The following PTPRT variants were observed in gnomAD, a reference collection of about 807,000 sequenced individuals.
The protein encoded by PTPRT is protein tyrosine phosphatase receptor type T, also known as receptor-type tyrosine-protein phosphatase T.
PTPRT carries 56 observed loss-of-function variants against 176.8 expected under a neutral mutation model. That is an observed-to-expected ratio of 0.32 (90% CI 0.26 to 0.40). PTPRT has a LOEUF of 0.40. PTPRT is among the 10% of genes least tolerant of loss of function. PTPRT has a pLI of 1.00. For synonymous variants in PTPRT, 783 were observed against 739.0 expected (o/e 1.06, Z -0.96); for missense variants, 1,540 against 1,908.2 (o/e 0.81, Z 3.60).
At chr20:42,711,655 A>G (rs141817600) in intron 6 of PTPRT, among the ~76,000 whole-genome samples, 1 of 152,268 alleles carries the variant, frequency 6.6e-6, no homozygotes, top group Non-Finnish European at 1.5e-5. Context: ...ATTTCTTTAT[A>G]GTGATTCAAA....
chr20:42,687,008 T>A (rs2075708054), intron 6 of PTPRT, among the ~76,000 whole-genome samples: 1 of 152,190 alleles, frequency 6.6e-6, no homozygotes, highest in Non-Finnish European at 1.5e-5. Context: ...TATAGTAACA[T>A]CTTCCTCATG....
intron 10 of PTPRT, among the ~76,000 whole-genome samples, chr20:42,351,691 TTCATTC>T (rs1485128272): frequency 8.0e-5 from 2 of 25,004 alleles, no homozygotes; most frequent in African/African-American, 2.2e-4. Context: ...TAGTAATTCA[TTCATTC>T]ATTCATTCAT....
At chr20:43,151,844 C>T (rs551572389) in intron 1 of PTPRT, among the ~76,000 whole-genome samples, 2 of 149,730 alleles carry the variant, frequency 1.3e-5, no homozygotes, top group East Asian at 3.9e-4. Flanking sequence ...GCCCAGGCAA[C>T]AAGAGCGAAA....
In PTPRT at chr20:43,146,688, G is replaced by A. The variant is rs571799698; in HGVS notation, c.88+42958C>T. 7.9e-5 allele frequency among the ~76,000 whole-genome samples: 12 copies of A among 152,218 alleles called. 1 individual carries two copies. The East Asian group carries it at 1.5e-3, about 20-fold the overall frequency. On this transcript the variant is annotated intron_variant, in intron 1 of 30. Transcript: ENST00000373187. ...ATGCCACTAGGGAAGCTGACACCTCGGGTCCTCTCACTTGCATGGGCCCCT... is the reference window on the plus strand; with the variant it reads ...ATGCCACTAGGGAAGCTGACACCTCAGGTCCTCTCACTTGCATGGGCCCCT...
At chr20:42,294,731 TCAAA>T (rs2057364294) in intron 12 of PTPRT, among the ~76,000 whole-genome samples, 1 of 151,772 alleles carries the variant, frequency 6.6e-6, no homozygotes, top group African/African-American at 2.4e-5. Flanking sequence ...TTAAATATCC[TCAAA>T]CAACTTTGAC....
At chr20:42,727,208 C>A (rs192177751) in intron 6 of PTPRT, among the ~76,000 whole-genome samples, 2 of 152,146 alleles carry the variant, frequency 1.3e-5, no homozygotes, top group Admixed American at 6.5e-5. Context: ...CCATCCCCCC[C>A]GTTCCAATGC....
chr20:42,446,405 C>G (rs2070733107), intron 9 of PTPRT, among the ~76,000 whole-genome samples: 1 of 152,042 alleles, frequency 6.6e-6, no homozygotes. Flanking sequence ...CTAGGTTAGT[C>G]CCCCAAGCCT....
the PTPRT span, among the ~76,000 whole-genome samples, chr20:42,042,622 A>G: frequency 5.3e-5 from 8 of 152,168 alleles, no homozygotes; most frequent in Non-Finnish European, 1.2e-4. Flanking sequence ...TTTGGCACAC[A>G]TAGTACCTCC....
Position 43,092,823 on chromosome 20 carries a change from C to T in PTPRT, c.88+96823G>A, listed in dbSNP as rs545151242. Among the ~76,000 whole-genome samples, 10 of 152,226 alleles carry T rather than the reference C, an allele frequency of 6.6e-5. No individual in the cohort carries two copies. The South Asian group carries it at 1.7e-3, about 25-fold the overall frequency. On this transcript the variant is annotated intron_variant, in intron 1 of 30. Coordinates refer to ENST00000373187, the MANE Select transcript of PTPRT (RefSeq NM_007050.6). ...TTCACTGTAATAGACATGAGACTGACGAGAAATAAAACCTTCCTTGTGTAA... is the reference window on the plus strand; with the variant it reads ...TTCACTGTAATAGACATGAGACTGATGAGAAATAAAACCTTCCTTGTGTAA...
chr20:42,246,626 C>T (rs947409712), intron 14 of PTPRT, among the ~76,000 whole-genome samples: 1 of 152,200 alleles, frequency 6.6e-6, no homozygotes, highest in Non-Finnish European at 1.5e-5. Flanking sequence ...CACACTCACA[C>T]ATTTCAGAAA....
At chr20:42,614,876 AAG>A (rs1204205132) in intron 7 of PTPRT, among the ~76,000 whole-genome samples, 3 of 152,008 alleles carry the variant, frequency 2.0e-5, no homozygotes, top group Non-Finnish European at 4.4e-5. Context: ...GTCTCAGGCA[AAG>A]AGAGAGCTTG....
rs115360381 is a variant in PTPRT at position 42,833,667 on chromosome 20, G to T, written c.215-42201C>A. 4.8e-3 allele frequency among the ~76,000 whole-genome samples: 728 copies of T among 152,192 alleles called. 9 individuals carry two copies. Among genetic ancestry groups the T allele is most frequent in the African/African-American group, 0.016 (670 of 41,526 alleles). ...AAGATAAGGAATCAGAATGGCACTG[G>T]ACTTCTCAATATTGTGAAGGGAAAT... On this transcript the variant is annotated intron_variant, in intron 2 of 30. Transcript: ENST00000373187.
chr20:42,381,488 G>A (rs2058698061), intron 9 of PTPRT, among the ~76,000 whole-genome samples: 2 of 152,194 alleles, frequency 1.3e-5, no homozygotes, highest in Admixed American at 1.3e-4. Flanking sequence ...ATACAGGTGA[G>A]AAGTAAACAT....
chr20:42,067,782 G>A (rs1884038), downstream of PTPRT, among the ~76,000 whole-genome samples: 512 of 152,252 alleles, frequency 3.4e-3, 2 homozygotes, highest in African/African-American at 0.012. Flanking sequence ...GGCCCTCTAT[G>A]GGTGTTGGCA....
intron 2 of PTPRT, among the ~76,000 whole-genome samples, chr20:42,868,441 G>A (rs748502877): frequency 1.3e-5 from 2 of 152,190 alleles, no homozygotes; most frequent in South Asian, 2.1e-4. Context: ...GATAAACTAG[G>A]ATATCTGGTG....
intron 7 of PTPRT, among the ~76,000 whole-genome samples, chr20:42,516,569 C>T (rs1482307190): frequency 6.6e-6 from 1 of 152,126 alleles, no homozygotes; most frequent in East Asian, 1.9e-4. Context: ...AAACAGTTTA[C>T]ATTTGGGGGA....
intron 14 of PTPRT, among the ~76,000 whole-genome samples, chr20:42,245,247 G>C (rs1435931275): frequency 3.3e-5 from 5 of 152,212 alleles, no homozygotes; most frequent in Non-Finnish European, 1.5e-5. Context: ...CTCTGTCAGT[G>C]AGGGGCTCCA....
At position 43,127,194 on chromosome 20, in the gene PTPRT, C is replaced by T. The variant is rs192122599; in HGVS notation, c.88+62452G>A. 8.3e-3 allele frequency among the ~76,000 whole-genome samples: 1,267 copies of T among 152,068 alleles called. 23 individuals are homozygous for T. Among genetic ancestry groups the T allele is most frequent in the African/African-American group, 0.029 (1,209 of 41,470 alleles). On this transcript the variant is annotated intron_variant, in intron 1 of 30. Transcript: ENST00000373187. ...ATCCCAGCACTTTGGGAGGCAAAGGCGGGCGGATCACAAGGTCAGGAGATG... is the reference window on the plus strand; with the variant it reads ...ATCCCAGCACTTTGGGAGGCAAAGGTGGGCGGATCACAAGGTCAGGAGATG...
At chr20:42,082,160 A>C in intron 29 of PTPRT, 143 bp from the exon 30 acceptor site, 1 of 1,250,902 alleles carries the variant, frequency 8.0e-7, no homozygotes, top group Non-Finnish European at 1.1e-6. Flanking sequence ...AGCCTGAGCC[A>C]TGAGTTATGG....
Sources: allele counts gnomAD v4.1 joint callset (sites outside exome capture counted in the v4.1 genomes callset), GRCh38; gene constraint gnomAD v4.1.1; transcripts MANE v1.5; gene names NCBI Gene and HGNC (gene_info 2026-07-23, HGNC 2026-07-21).